The following LMBRD1 variants were observed in gnomAD, a reference collection of about 807,000 sequenced individuals.
LMBRD1 encodes the protein lysosomal cobalamin transport escort protein LMBD1.
In LMBRD1, 64 loss-of-function variants were observed where a neutral mutation model predicts 74.8. The ratio of observed to expected loss-of-function variants is 0.86; its 90% CI spans 0.70 to 1.05. The LOEUF (loss-of-function observed/expected upper bound fraction) is 1.05. Ranked by LOEUF, LMBRD1 falls within the 50% of genes least tolerant of loss-of-function variation. The pLI, the probability that LMBRD1 is intolerant of heterozygous loss-of-function variation, is 0.00. For synonymous variants in LMBRD1, 204 were observed against 216.3 expected (o/e 0.94, Z 0.50); for missense variants, 652 against 645.9 (o/e 1.01, Z -0.10).
chr6:69,714,234 T>C (rs987200627), intron 8 of LMBRD1, among the ~76,000 whole-genome samples: 1 of 151,994 alleles, frequency 6.6e-6, no homozygotes, highest in Non-Finnish European at 1.5e-5. Context: ...CTGATGCTTC[T>C]CAGCCCAATT....
chr6:69,759,343 T>C (rs901125021), intron 3 of LMBRD1, among the ~76,000 whole-genome samples: 1 of 152,070 alleles, frequency 6.6e-6, no homozygotes, highest in Non-Finnish European at 1.5e-5. Flanking sequence ...GTCTTAATAC[T>C]CACACCTGAC....
intron 3 of LMBRD1, among the ~76,000 whole-genome samples, chr6:69,761,629 CCAA>C (rs1310292591): frequency 2.6e-5 from 4 of 152,148 alleles, no homozygotes; most frequent in African/African-American, 9.6e-5. Flanking sequence ...GATACTTTTC[CCAA>C]CAACTTTGAT....
In LMBRD1 at chr6:69,790,448, A is replaced by G. The variant is rs373241693; in HGVS notation, c.94T>C (p.Tyr32His). ...CGCCGACTTTGGTATTTACGAACAT[A>G]TATCCAGCAGAATGCCAAAATAGCC... Reference protein sequence around the residue: ...LLAILAFCWIYVRKYQSRRES... With the variant: ...LLAILAFCWIHVRKYQSRRES... The change falls in exon 2 of 16, where the codon TAT becomes CAT. Residue 32 changes from tyrosine (Y) to histidine (H), a missense_variant. Physicochemically the swap from Tyr to His is moderately conservative, Grantham distance 83. This residue lies in a region of LMBRD1 where 598 missense variants were observed against 581.8 expected (regional missense o/e 1.03). Transcript: ENST00000649934. 1.0e-4 allele frequency: 161 copies of G among 1,613,910 alleles called. No individual in the cohort carries two copies. The highest frequency in any genetic ancestry group is 1.3e-4 in the Non-Finnish European group (156 of 1,179,946).
chr6:69,705,740 C>T (rs1243090628), intron 9 of LMBRD1: 12 of 1,188,614 alleles, frequency 1.0e-5, no homozygotes, highest in Non-Finnish European at 1.4e-5. Flanking sequence ...GGACAGACCA[C>T]TTTCCAGATA....
In LMBRD1 at chr6:69,792,738, T is replaced by C. The variant is rs547355710; in HGVS notation, c.70-2266A>G. Among the ~76,000 whole-genome samples the C allele has an allele frequency of 5.2e-5, 8 of 152,386 alleles. No homozygotes were observed. In the South Asian group the frequency reaches 1.2e-3, roughly 24 times the overall value. On this transcript the variant is annotated intron_variant, in intron 1 of 15. Transcript: ENST00000649934. ...CTTTGAAAGCTGAGTCTCATCTTTATATCCTCAGCAGTACTTGACACAAAG... is the reference window on the plus strand; with the variant it reads ...CTTTGAAAGCTGAGTCTCATCTTTACATCCTCAGCAGTACTTGACACAAAG...
Position 69,675,469 on chromosome 6 carries a change from ACC to A in LMBRD1, c.*687_*688del. On this transcript the variant is annotated 3_prime_UTR_variant, in exon 16 of 16. Coordinates refer to ENST00000649934, the MANE Select transcript of LMBRD1 (RefSeq NM_018368.4). ...TCCAGGATTAATTATTCTTGACAAT[ACC>A]CCTATTTATATTGAAATACACATTT... is the stretch of plus-strand genomic sequence containing the variant. 6.6e-6 allele frequency among the ~76,000 whole-genome samples: 1 copy of A among 152,114 alleles called. No individual in the cohort carries two copies. The highest frequency in any genetic ancestry group is 1.9e-4 in the East Asian group (1 of 5,204).
intron 10 of LMBRD1, 59 bp downstream of exon 10, chr6:69,701,830 A>T: frequency 1.7e-6 from 2 of 1,199,116 alleles, no homozygotes; most frequent in Non-Finnish European, 2.5e-6. Flanking sequence ...TCAGCAACAA[A>T]ATGTATATTA....
intron 3 of LMBRD1, among the ~76,000 whole-genome samples, chr6:69,772,372 A>C (rs755243280): frequency 5.3e-5 from 8 of 152,210 alleles, no homozygotes; most frequent in Non-Finnish European, 8.8e-5. Flanking sequence ...CATAAGAAGA[A>C]AAAACAAGAA....
intron 14 of LMBRD1, among the ~76,000 whole-genome samples, chr6:69,685,934 G>T (rs1368996742): frequency 2.0e-5 from 3 of 152,084 alleles, no homozygotes; most frequent in Admixed American, 2.0e-4. Flanking sequence ...TCACTAAAAG[G>T]TACAGTAATT....
intron 9 of LMBRD1, among the ~76,000 whole-genome samples, chr6:69,709,338 T>G (rs539716773): frequency 6.6e-6 from 1 of 152,236 alleles, no homozygotes; most frequent in South Asian, 2.1e-4. Flanking sequence ...GCAACCTTCA[T>G]ATCTCATTTA....
intron 7 of LMBRD1, among the ~76,000 whole-genome samples, chr6:69,730,496 T>C (rs957008536): frequency 1.3e-4 from 20 of 152,112 alleles, no homozygotes; most frequent in African/African-American, 4.6e-4. Flanking sequence ...TCAGTGAAAT[T>C]TGGATGCATC....
intron 3 of LMBRD1, among the ~76,000 whole-genome samples, chr6:69,759,606 ATATCT>A (rs1582132844): frequency 6.6e-6 from 1 of 152,092 alleles, no homozygotes; most frequent in East Asian, 1.9e-4. Context: ...GCTTTATATG[ATATCT>A]TATAGATACT....
At position 69,777,727 on chromosome 6, in the gene LMBRD1, A is replaced by C. The variant is rs567147949; in HGVS notation, c.307+2767T>G. Among the ~76,000 whole-genome samples the C allele has an allele frequency of 4.6e-5, 7 of 152,296 alleles. No homozygotes were observed. In the East Asian group the frequency reaches 1.3e-3, roughly 29 times the overall value. Reference sequence around the variant, plus strand: ...AGGGCATTCATGAAAACTAGATAAGATTTTGAATGTAAAAGTCTTACACAG... The same window carrying C: ...AGGGCATTCATGAAAACTAGATAAGCTTTTGAATGTAAAAGTCTTACACAG... On this transcript the variant is annotated intron_variant, in intron 3 of 15. Coordinates refer to ENST00000649934, the MANE Select transcript of LMBRD1 (RefSeq NM_018368.4).
intron 1 of LMBRD1, among the ~76,000 whole-genome samples, chr6:69,791,592 C>T (rs942941124): frequency 1.2e-4 from 18 of 152,154 alleles, no homozygotes; most frequent in African/African-American, 4.3e-4. Flanking sequence ...CTTGTTTTGA[C>T]CTTTCACTTT....
At chr6:69,683,711 A>C (rs1308674519) in intron 14 of LMBRD1, among the ~76,000 whole-genome samples, 1 of 151,060 alleles carries the variant, frequency 6.6e-6, no homozygotes, top group East Asian at 1.9e-4. Flanking sequence ...GACTTAGCAC[A>C]GTCATTTGTT....
chr6:69,697,438 C>T, intron 14 of LMBRD1, 125 bp downstream of exon 14: 1 of 711,768 alleles, frequency 1.4e-6, no homozygotes, highest in East Asian at 2.5e-5. Flanking sequence ...ATTTACCAAC[C>T]TCTACTTGCT....
intron 2 of LMBRD1, among the ~76,000 whole-genome samples, chr6:69,788,031 C>A (rs1765994644): frequency 6.6e-6 from 1 of 152,062 alleles, no homozygotes; most frequent in South Asian, 2.1e-4. Context: ...ACAAAACAAA[C>A]CTATTTCCTA....
chr6:69,762,376 C>T (rs558319665), intron 3 of LMBRD1, among the ~76,000 whole-genome samples: 3 of 150,840 alleles, frequency 2.0e-5, no homozygotes, highest in Admixed American at 6.6e-5. Context: ...TTTGTGTGGC[C>T]GAGACAAGAG....
intron 3 of LMBRD1, among the ~76,000 whole-genome samples, chr6:69,771,802 A>G (rs1331809391): frequency 6.6e-6 from 1 of 152,178 alleles, no homozygotes; most frequent in East Asian, 1.9e-4. Flanking sequence ...TGTCAGTAAA[A>G]CAAGGGTGGA....
Sources: allele counts gnomAD v4.1 joint callset (sites outside exome capture counted in the v4.1 genomes callset), GRCh38; gene constraint gnomAD v4.1.1; regional missense constraint gnomAD v4.1.1; transcripts MANE v1.5; gene names NCBI Gene and HGNC (gene_info 2026-07-23, HGNC 2026-07-21).